GTF2A1L: variants seen among roughly 807,000 people sequenced by gnomAD.
GTF2A1L encodes the protein general transcription factor IIA subunit 1 like, also known as TFIIA-alpha and beta-like factor.
A neutral mutation model predicts 49.7 loss-of-function variants in GTF2A1L; 48 were observed. That is an observed-to-expected ratio of 0.97 (90% CI 0.77 to 1.23). The LOEUF (loss-of-function observed/expected upper bound fraction) is 1.23. Ranked by LOEUF, GTF2A1L falls within the 50% of genes most tolerant of loss-of-function variation. The pLI, the probability that GTF2A1L is intolerant of heterozygous loss-of-function variation, is 0.00. For missense variants in GTF2A1L, 736 were observed against 564.8 expected (o/e 1.30, Z -3.07); for synonymous variants, 246 against 193.5 (o/e 1.27, Z -2.25).
chr2:48,669,842 G>A lies in GTF2A1L; in HGVS notation c.1099G>A (p.Ala367Thr). The change falls in exon 7 of 9, where the codon GCA (alanine) becomes ACA (threonine). Residue 367 changes from alanine to threonine, a missense_variant. Transcript: ENST00000403751. ...SNEEIGSTRD[A>T]DENEFLGNID... Reference sequence around the variant, plus strand: ...TGAAGAAATAGGAAGTACAAGAGATGCAGATGAGAATGAATTTCTAGGGAA... The same window carrying A: ...TGAAGAAATAGGAAGTACAAGAGATACAGATGAGAATGAATTTCTAGGGAA... The A allele has an allele frequency of 6.2e-7, 1 of 1,614,044 alleles. No homozygotes were observed.
intron 6 of GTF2A1L, among the ~76,000 whole-genome samples, chr2:48,653,433 A>C (rs1022707845): frequency 6.6e-6 from 1 of 152,066 alleles, no homozygotes; most frequent in Non-Finnish European, 1.5e-5. Context: ...TTCAACCCCC[A>C]GTTCCTGGCG....
Position 48,627,206 on chromosome 2 carries a change from G to A in GTF2A1L, c.247+5916G>A, listed in dbSNP as rs1254255021. Among the ~76,000 whole-genome samples the A allele has an allele frequency of 2.1e-5, 3 of 143,958 alleles. 1 individual carries two copies. The highest frequency in any genetic ancestry group is 4.7e-5 in the Non-Finnish European group (3 of 63,940). The allele number at this position is 143,958 out of a possible 152,430, so 94.4% of individuals were successfully genotyped here. A position where few individuals can be genotyped will look rare whatever the true frequency, so the allele number is the denominator to read the frequency against. ...TCCACAGATACATAGTTGGAAAAAAGGGAAGCATTTTAATAGTATTTTCAG... is the reference window on the plus strand; with the variant it reads ...TCCACAGATACATAGTTGGAAAAAAAGGAAGCATTTTAATAGTATTTTCAG... On this transcript the variant is annotated intron_variant, in intron 3 of 8. Coordinates refer to ENST00000403751, the MANE Select transcript of GTF2A1L (RefSeq NM_006872.5).
At chr2:48,673,247 C>G (rs531488290) in intron 8 of GTF2A1L, among the ~76,000 whole-genome samples, 1 of 152,056 alleles carries the variant, frequency 6.6e-6, no homozygotes, top group Middle Eastern at 3.2e-3. Context: ...AAAAGTAATA[C>G]CTTTTCCTTA....
At chr2:48,666,376 T>G (rs1678840862) in intron 6 of GTF2A1L, among the ~76,000 whole-genome samples, 1 of 152,092 alleles carries the variant, frequency 6.6e-6, no homozygotes, top group Admixed American at 6.6e-5. Context: ...CAGCTAATTT[T>G]TAAAAAACAT....
chr2:48,626,388 C>T (rs6712842), intron 3 of GTF2A1L, among the ~76,000 whole-genome samples: 13 of 142,826 alleles, frequency 9.1e-5, no homozygotes, highest in Non-Finnish European at 1.3e-4. Flanking sequence ...GAATTTTAGA[C>T]TTTTTTTTGT....
intron 6 of GTF2A1L, among the ~76,000 whole-genome samples, chr2:48,659,363 T>C (rs1397335975): frequency 1.3e-5 from 2 of 152,160 alleles, no homozygotes; most frequent in East Asian, 3.8e-4. Context: ...TATCACACTA[T>C]TTTTATTATT....
At chr2:48,647,089 C>T (rs1677563000) in intron 6 of GTF2A1L, 47 bp downstream of exon 6, 1 of 1,422,028 alleles carries the variant, frequency 7.0e-7, no homozygotes, top group Non-Finnish European at 9.5e-7. Flanking sequence ...CAGATAGTGG[C>T]CAGTAACTGG....
chr2:48,621,023 C>G lies in GTF2A1L; in HGVS notation c.123+71C>G, dbSNP rs1238270668. On this transcript the variant is annotated intron_variant, in intron 2 of 8. Transcript: ENST00000403751. ...TTCAGCATACAAAACTGATATAGTT[C>G]TGATCTCTCAAATTATAGTTTAGTA... is the stretch of plus-strand genomic sequence containing the variant. The G allele has an allele frequency of 3.9e-6, 6 of 1,527,022 alleles. No individual in the cohort carries two copies. The Admixed American group carries it at 1.2e-4, about 32-fold the overall frequency. 94.6% of individuals were successfully genotyped at this position (1,527,022 alleles called of 1,614,324 possible). A position where few individuals can be genotyped will look rare whatever the true frequency, so the allele number is the denominator to read the frequency against.
Position 48,642,507 on chromosome 2 carries a change from C to T in GTF2A1L, c.303+50C>T, listed in dbSNP as rs191341220. On this transcript the variant is annotated intron_variant, in intron 4 of 8. Coordinates refer to ENST00000403751, the MANE Select transcript of GTF2A1L (RefSeq NM_006872.5). Reference sequence around the variant, plus strand: ...TTTAAAAGACATGTCCCACTGTTAGCGAGTGGTGGCAAAATGCTGAACATA... The same window carrying T: ...TTTAAAAGACATGTCCCACTGTTAGTGAGTGGTGGCAAAATGCTGAACATA... 3.7e-5 allele frequency: 55 copies of T among 1,476,826 alleles called. No individual in the cohort carries two copies. The Middle Eastern group carries it at 7.2e-4, about 19-fold the overall frequency. The allele number at this position is 1,476,826 out of a possible 1,614,324, so 91.5% of individuals were successfully genotyped here.
rs775409672 is a variant in GTF2A1L, at chr2:48,669,768, A to G, written c.1025A>G (p.Asp342Gly). The change falls in exon 7 of 9, where the codon GAT becomes GGT. Residue 342 changes from aspartate to glycine, a missense_variant. Asp to Gly is a moderately conservative substitution (Grantham distance 94, BLOSUM62 -1). Coordinates refer to ENST00000403751, the MANE Select transcript of GTF2A1L (RefSeq NM_006872.5). Reference protein sequence around the residue: ...VDLSIRVTDDDIGEIIQVDGS... With the variant: ...VDLSIRVTDDGIGEIIQVDGS... ...TTAAGCATTCGGGTTACTGATGATG[A>G]TATTGGTGAAATAATTCAAGTAGAT... is the stretch of plus-strand genomic sequence containing the variant. The G allele has an allele frequency of 3.1e-6, 5 of 1,613,794 alleles. No homozygotes were observed. Among genetic ancestry groups the G allele is most frequent in the Non-Finnish European group, 4.2e-6 (5 of 1,179,942 alleles).
At chr2:48,637,699 A>G (rs149330676) in intron 3 of GTF2A1L, among the ~76,000 whole-genome samples, 14 of 152,308 alleles carry the variant, frequency 9.2e-5, no homozygotes, top group African/African-American at 3.1e-4. Flanking sequence ...GGTTTTTGAA[A>G]AAATTAATAA....
intron 8 of GTF2A1L, among the ~76,000 whole-genome samples, chr2:48,674,188 A>G (rs960519850): frequency 3.9e-5 from 6 of 152,210 alleles, no homozygotes. Context: ...ACTATTTTCC[A>G]AAGTGGCTGT....
At chr2:48,652,529 C>A (rs758465141) in intron 6 of GTF2A1L, among the ~76,000 whole-genome samples, 7 of 151,058 alleles carry the variant, frequency 4.6e-5, no homozygotes, top group Non-Finnish European at 7.4e-5. Context: ...GCAAGAGAAT[C>A]ACTTGAACCT....
chr2:48,658,051 A>C (rs1678277863), intron 6 of GTF2A1L, among the ~76,000 whole-genome samples: 2 of 152,066 alleles, frequency 1.3e-5, no homozygotes, highest in South Asian at 4.1e-4. Flanking sequence ...CTAATTCTGT[A>C]GATTGTTCAC....
rs904055587 is a variant in GTF2A1L, at chr2:48,661,948, A to G, written c.979-7774A>G. Among the ~76,000 whole-genome samples the G allele has an allele frequency of 3.3e-5, 5 of 152,124 alleles. No individual in the cohort carries two copies. The South Asian group carries it at 6.2e-4, about 19-fold the overall frequency. On this transcript the variant is annotated intron_variant, in intron 6 of 8. Transcript: ENST00000403751. ...AACTCTTGCCGTTTTGCTGTTTTCT[A>G]TATGTATTTAGGTTTTCTGTGATTT...
chr2:48,625,402 A>T (rs1434909091), intron 3 of GTF2A1L, among the ~76,000 whole-genome samples: 1 of 143,776 alleles, frequency 7.0e-6, no homozygotes, highest in Non-Finnish European at 1.6e-5. Flanking sequence ...ATTTTTGAAA[A>T]GGTTATTTGT....
intron 3 of GTF2A1L, among the ~76,000 whole-genome samples, chr2:48,626,688 T>TC (rs919651782): frequency 2.1e-5 from 3 of 143,826 alleles, no homozygotes; most frequent in African/African-American, 7.4e-5. Flanking sequence ...TTCTCCCACC[T>TC]CGGACTCCCA....
intron 8 of GTF2A1L, among the ~76,000 whole-genome samples, chr2:48,676,536 C>G (rs551170904): frequency 6.6e-6 from 1 of 151,862 alleles, no homozygotes; most frequent in East Asian, 1.9e-4. Flanking sequence ...TGTTCATAAT[C>G]TTTGTCTATT....
intron 5 of GTF2A1L, among the ~76,000 whole-genome samples, chr2:48,645,849 C>T (rs991827831): frequency 6.6e-6 from 1 of 151,984 alleles, no homozygotes; most frequent in Non-Finnish European, 1.5e-5. Flanking sequence ...AGGGTTTCAC[C>T]GTTTTAGCCA....
Sources: gnomAD v4.1 joint callset for allele counts (sites outside exome capture counted in the v4.1 genomes callset) on GRCh38, gnomAD v4.1.1 for gene constraint, MANE v1.5 for transcripts, NCBI Gene and HGNC (gene_info 2026-07-23, HGNC 2026-07-21) for gene names.